SEC61A1: variants seen among roughly 807,000 people sequenced by gnomAD.
SEC61A1 encodes protein transport protein Sec61 subunit alpha isoform 1.
A neutral mutation model predicts 55.2 loss-of-function variants in SEC61A1; 15 were observed. The ratio of observed to expected loss-of-function variants is 0.27; its 90% CI spans 0.18 to 0.42. SEC61A1 has a LOEUF of 0.42. SEC61A1 is among the 10% of genes least tolerant of loss of function. SEC61A1 has a pLI of 1.00. For synonymous variants in SEC61A1, 247 were observed against 234.0 expected (o/e 1.06, Z -0.51); for missense variants, 284 against 602.6 (o/e 0.47, Z 5.53).
rs1942167635 is a variant in SEC61A1, at chr3:128,071,535, A to G, written c.*1873A>G. On this transcript the variant is annotated 3_prime_UTR_variant, in exon 12 of 12. Coordinates refer to ENST00000243253, the MANE Select transcript of SEC61A1 (RefSeq NM_013336.4). ...CTGTAACCATCGGCTGGGCCCTGCA[A>G]GGCCCACACTCACGCCCTGTGGGTG... The G allele has an allele frequency of 6.6e-6, 1 of 152,628 alleles. No individual in the cohort carries two copies. The highest frequency in any genetic ancestry group is 2.4e-5 in the African/African-American group (1 of 41,446). The allele number at this position is 152,628 out of a possible 1,614,324, so 9.5% of individuals were successfully genotyped here.
Position 128,052,919 on chromosome 3 carries a change from G to T in SEC61A1, c.75+17G>T, listed in dbSNP as rs971017886. 6.2e-7 allele frequency: 1 copy of T among 1,601,356 alleles called. No homozygotes were observed. Among genetic ancestry groups the T allele is most frequent in the African/African-American group, 1.3e-5 (1 of 74,190 alleles). ...GAGAGGAAGGTAAGTACCCCAAATC[G>T]CCAACAAAGAAGGTTTCAGGAAACT... On this transcript the variant is annotated intron_variant, in intron 2 of 11. Coordinates refer to ENST00000243253, the MANE Select transcript of SEC61A1 (RefSeq NM_013336.4).
At chr3:128,061,100 C>T (rs1941844157) in intron 7 of SEC61A1, among the ~76,000 whole-genome samples, 1 of 152,192 alleles carries the variant, frequency 6.6e-6, no homozygotes, top group South Asian at 2.1e-4. Flanking sequence ...AGCACTTGGT[C>T]ATGCAAGGGG....
rs1942083235 is a variant in SEC61A1 at position 128,069,335 on chromosome 3, C to A, written c.1245-141C>A. The A allele has an allele frequency of 8.9e-6, 7 of 790,946 alleles. No homozygotes were observed. The Middle Eastern group carries it at 1.5e-3, about 171-fold the overall frequency. 49.0% of individuals were successfully genotyped at this position (790,946 alleles called of 1,614,324 possible). On this transcript the variant is annotated intron_variant, in intron 11 of 11. Transcript: ENST00000243253. ...GCAGCGCCTTGGCCTAGAGCGCTAG[C>A]ATGTTAGTAGATGACTTTCTAGGAG...
chr3:128,051,980 G>A, upstream of SEC61A1: 1 of 1,182,676 alleles, frequency 8.5e-7, no homozygotes, highest in Non-Finnish European at 1.2e-6. Flanking sequence ...GGGCGCCGCG[G>A]TAGACGCTGG....
chr3:128,064,931 C>T lies in SEC61A1; in HGVS notation c.671C>T (p.Thr224Ile). 6.2e-7 allele frequency: 1 copy of T among 1,614,068 alleles called. No individual in the cohort carries two copies. Among genetic ancestry groups the T allele is most frequent in the Non-Finnish European group, 8.5e-7 (1 of 1,179,946 alleles). The change falls in exon 8 of 12, where the codon ACA becomes ATA. Residue 224 changes from threonine to isoleucine, a missense_variant. Physicochemically the swap from Thr to Ile is moderately conservative, Grantham distance 89. Transcript: ENST00000243253. The stretch of plus-strand genomic sequence containing the variant: ...CTTTTCCATCTGCTGGCCACACGCA[C>T]AGACAAGGTCCGAGCCCTTCGGGAG... ...IALFHLLATRTDKVRALREAF... is the reference protein window; with the variant it reads ...IALFHLLATRIDKVRALREAF...
intron 7 of SEC61A1, among the ~76,000 whole-genome samples, chr3:128,060,990 G>A (rs764853946): frequency 2.0e-5 from 3 of 152,018 alleles, no homozygotes; most frequent in Admixed American, 6.5e-5. Context: ...TTTTTTTATC[G>A]TTAACATTGA....
At chr3:128,057,600 T>TA (rs1458717784) in intron 5 of SEC61A1, among the ~76,000 whole-genome samples, 31 of 244 alleles carry the variant, frequency 0.13, no homozygotes, top group African/African-American at 0.28. Context: ...CTCACGCCTG[T>TA]AACCCCCAGC....
At chr3:128,051,976 C>G (rs986933703), upstream of SEC61A1, 1 of 1,220,196 alleles carries the variant, frequency 8.2e-7, no homozygotes, top group East Asian at 2.5e-5. Context: ...TGACGGGCGC[C>G]GCGGTAGACG....
At chr3:128,065,898 C>T (rs1262271970) in intron 8 of SEC61A1, among the ~76,000 whole-genome samples, 4 of 151,870 alleles carry the variant, frequency 2.6e-5, no homozygotes, top group African/African-American at 4.8e-5. Flanking sequence ...CCTGTCACCA[C>T]GCCCGGCTAA....
chr3:128,056,635 G>A (rs544470485), intron 4 of SEC61A1, 74 bp from the exon 5 acceptor site: 1 of 1,332,270 alleles, frequency 7.5e-7, no homozygotes, highest in South Asian at 2.1e-5. Flanking sequence ...GTCAAATTTT[G>A]CGTATTCATT....
At chr3:128,068,123 G>A (rs1197757619) in intron 11 of SEC61A1, 64 bp downstream of exon 11, 1 of 1,330,684 alleles carries the variant, frequency 7.5e-7, no homozygotes, top group African/African-American at 1.4e-5. Context: ...TTTCCATGCA[G>A]GGCATCCTGA....
chr3:128,054,135 A>G (rs1457939966), intron 2 of SEC61A1, among the ~76,000 whole-genome samples: 1 of 152,200 alleles, frequency 6.6e-6, no homozygotes, highest in East Asian at 1.9e-4. Flanking sequence ...GGAGAGGACT[A>G]GAGTTGGTTT....
chr3:128,056,481 T>C (rs887246038), intron 4 of SEC61A1, among the ~76,000 whole-genome samples: 7 of 152,230 alleles, frequency 4.6e-5, no homozygotes, highest in African/African-American at 1.4e-4. Context: ...TTAGACACCA[T>C]GTGACTTCCT....
At position 128,067,840 on chromosome 3, in the gene SEC61A1, A is replaced by T; in HGVS notation, c.1168-143A>T. ...CTGTAAAGTTAGACTTTTTCATATG[A>T]CTTCCTTGCGGCAGTTTTAAAGTTC... On this transcript the variant is annotated intron_variant, in intron 10 of 11. Transcript: ENST00000243253. This position sits in a 1 kb window ranked among gnomAD's most constrained non-coding sequence, Gnocchi z 4.1. 1.3e-6 allele frequency: 1 copy of T among 746,564 alleles called. No homozygotes were observed. Among genetic ancestry groups the T allele is most frequent in the Admixed American group, 2.2e-5 (1 of 45,358 alleles). 46.2% of individuals were successfully genotyped at this position (746,564 alleles called of 1,614,324 possible). A position where few individuals can be genotyped will look rare whatever the true frequency, so the allele number is the denominator to read the frequency against.
chr3:128,062,344 A>T lies in SEC61A1; in HGVS notation c.616+1683A>T, dbSNP rs188986611. Among the ~76,000 whole-genome samples the T allele has an allele frequency of 4.6e-3, 697 of 152,306 alleles. 6 individuals carry two copies. The highest frequency in any genetic ancestry group is 5.8e-3 in the Admixed American group (88 of 15,292). The stretch of plus-strand genomic sequence containing the variant: ...GGCAGCTTTGCAGCTGTGCCTGGAG[A>T]TGTTGCAGCTTGGCTTGGGACAGGG... On this transcript the variant is annotated intron_variant, in intron 7 of 11. Coordinates refer to ENST00000243253, the MANE Select transcript of SEC61A1 (RefSeq NM_013336.4).
Position 128,069,700 on chromosome 3 carries a change from AGC to A in SEC61A1, c.*41_*42del, listed in dbSNP as rs1222643950. The A allele has an allele frequency of 6.3e-7, 1 of 1,591,930 alleles. No homozygotes were observed. The highest frequency in any genetic ancestry group is 8.6e-7 in the Non-Finnish European group (1 of 1,161,842). On this transcript the variant is annotated 3_prime_UTR_variant, in exon 12 of 12. Coordinates refer to ENST00000243253, the MANE Select transcript of SEC61A1 (RefSeq NM_013336.4). ...GACAGGTTGAGGAAGCTGCTCCAGA[AGC>A]GCCTCGGAAGGGGAGCTCTCATCAT...
chr3:128,061,894 T>C (rs897036823), intron 7 of SEC61A1, among the ~76,000 whole-genome samples: 6 of 152,184 alleles, frequency 3.9e-5, no homozygotes, highest in Admixed American at 6.5e-5. Context: ...AGCCCAGTAG[T>C]AGCCGCCAGA....
chr3:128,064,313 ATG>A (rs2107646904), intron 7 of SEC61A1, among the ~76,000 whole-genome samples: 1 of 119,788 alleles, frequency 8.3e-6, no homozygotes, highest in African/African-American at 5.9e-5. Flanking sequence ...CCACTGACTC[ATG>A]TGCCTAAGAA....
chr3:128,053,291 T>C (rs1041559674), intron 2 of SEC61A1, among the ~76,000 whole-genome samples: 1 of 152,228 alleles, frequency 6.6e-6, no homozygotes, highest in African/African-American at 2.4e-5. Flanking sequence ...AGATGCCCTT[T>C]GTATCCAGCT....
Sources: gnomAD v4.1 joint callset for allele counts (sites outside exome capture counted in the v4.1 genomes callset) on GRCh38, gnomAD v4.1.1 for gene constraint, Gnocchi (gnomAD v3.1) non-coding constraint, MANE v1.5 for transcripts, NCBI Gene and HGNC (gene_info 2026-07-23, HGNC 2026-07-21) for gene names.